CSGALNACT1: variants seen among roughly 807,000 people sequenced by gnomAD.
CSGALNACT1 encodes chondroitin sulfate N-acetylgalactosaminyltransferase 1, also known as beta4GalNAcT-1.
In CSGALNACT1, 52 loss-of-function variants were observed where a neutral mutation model predicts 51.0. The observed-to-expected ratio is 1.02, with a 90% confidence interval of 0.82 to 1.29. The LOEUF (loss-of-function observed/expected upper bound fraction) is 1.29. Ranked by LOEUF, CSGALNACT1 falls within the 50% of genes most tolerant of loss-of-function variation. The pLI is 0.00. For missense variants in CSGALNACT1, 935 were observed against 679.2 expected, an observed-to-expected ratio of 1.38 and a Z score of -4.19; for synonymous variants, 341 against 254.4, an observed-to-expected ratio of 1.34 and a Z score of -3.24.
intron 1 of CSGALNACT1, among the ~76,000 whole-genome samples, chr8:19,720,490 A>G (rs753481364): frequency 4.6e-5 from 7 of 152,158 alleles, no homozygotes; most frequent in Non-Finnish European, 1.0e-4. Flanking sequence ...AAAATATCAC[A>G]TTTATCCTAC....
intron 3 of CSGALNACT1, among the ~76,000 whole-genome samples, chr8:19,513,697 G>A (rs1290385651): frequency 2.0e-5 from 3 of 151,838 alleles, no homozygotes; most frequent in African/African-American, 4.8e-5. Context: ...TAGACCTACC[G>A]CACACCTGGG....
intron 5 of CSGALNACT1, chr8:19,457,735 T>C (rs1400550057): frequency 4.5e-6 from 6 of 1,347,480 alleles, no homozygotes; most frequent in Middle Eastern, 2.1e-4. Context: ...AATATGTGCA[T>C]CTGAGCCATC....
chr8:19,491,355 G>C (rs2074320092), intron 4 of CSGALNACT1, among the ~76,000 whole-genome samples: 1 of 152,094 alleles, frequency 6.6e-6, no homozygotes, highest in Middle Eastern at 3.4e-3. Flanking sequence ...AAATATTCAT[G>C]GACATTTCTG....
At chr8:19,442,561 G>C (rs1376863065) in intron 5 of CSGALNACT1, among the ~76,000 whole-genome samples, 1 of 146,626 alleles carries the variant, frequency 6.8e-6, no homozygotes, top group East Asian at 2.0e-4. Flanking sequence ...CACACTCTGG[G>C]GACTGTTGTG....
At chr8:19,498,096 C>G (rs984063407) in intron 4 of CSGALNACT1, among the ~76,000 whole-genome samples, 1 of 152,136 alleles carries the variant, frequency 6.6e-6, no homozygotes, top group Non-Finnish European at 1.5e-5. Context: ...TCAACGGGCA[C>G]GTATCCACGA....
At chr8:19,630,059 G>A (rs896329851) in intron 1 of CSGALNACT1, among the ~76,000 whole-genome samples, 1 of 152,086 alleles carries the variant, frequency 6.6e-6, no homozygotes, top group Non-Finnish European at 1.5e-5. Context: ...AGAGCAACGT[G>A]GAAAAACTGG....
chr8:19,733,353 ATT>A (rs532742629), intron 1 of CSGALNACT1, among the ~76,000 whole-genome samples: 119 of 152,306 alleles, frequency 7.8e-4, no homozygotes, highest in Middle Eastern at 3.4e-3. Context: ...CACTCCACCA[ATT>A]ATTAATGTGG....
chr8:19,453,698 G>C (rs1341975798), intron 5 of CSGALNACT1, among the ~76,000 whole-genome samples: 1 of 152,148 alleles, frequency 6.6e-6, no homozygotes, highest in Admixed American at 6.5e-5. Flanking sequence ...GATCCCCTGA[G>C]GTCAGGAGTT....
At chr8:19,540,103 C>G (rs2084745791) in intron 3 of CSGALNACT1, among the ~76,000 whole-genome samples, 1 of 152,158 alleles carries the variant, frequency 6.6e-6, no homozygotes, top group Non-Finnish European at 1.5e-5. Context: ...CCAGTTGTCC[C>G]TAATCCTGAA....
At chr8:19,675,210 G>T (rs2060088448) in intron 1 of CSGALNACT1, among the ~76,000 whole-genome samples, 1 of 152,130 alleles carries the variant, frequency 6.6e-6, no homozygotes. Context: ...AATATAAACA[G>T]CAACTACCTG....
intron 4 of CSGALNACT1, among the ~76,000 whole-genome samples, chr8:19,497,211 G>T (rs1426106453): frequency 6.6e-6 from 1 of 152,140 alleles, no homozygotes; most frequent in Admixed American, 6.5e-5. Context: ...AGTTAAGCTG[G>T]TAAGCTGTGA....
intron 1 of CSGALNACT1, among the ~76,000 whole-genome samples, chr8:19,699,226 T>C (rs1481698939): frequency 1.3e-5 from 2 of 152,164 alleles, no homozygotes; most frequent in Non-Finnish European, 2.9e-5. Context: ...TTGTTTTATT[T>C]TTTCAAATAT....
chr8:19,444,002 G>A (rs2061728883), intron 5 of CSGALNACT1, among the ~76,000 whole-genome samples: 2 of 152,124 alleles, frequency 1.3e-5, no homozygotes, highest in Admixed American at 1.3e-4. Context: ...TTCACAATAA[G>A]GTTCACCCTC....
At chr8:19,695,960 T>G (rs941218920) in intron 1 of CSGALNACT1, among the ~76,000 whole-genome samples, 3 of 152,262 alleles carry the variant, frequency 2.0e-5, no homozygotes, top group Admixed American at 1.3e-4. Context: ...GGTTTATTTA[T>G]AGTTCTTTCT....
intron 3 of CSGALNACT1, among the ~76,000 whole-genome samples, chr8:19,567,438 T>C (rs1163120560): frequency 1.3e-5 from 2 of 152,214 alleles, no homozygotes; most frequent in Non-Finnish European, 2.9e-5. Context: ...AGACAAAGTG[T>C]ATGATAAAAC....
chr8:19,482,787 T>G (rs2071793881), intron 4 of CSGALNACT1, among the ~76,000 whole-genome samples: 1 of 152,182 alleles, frequency 6.6e-6, no homozygotes, highest in Admixed American at 6.5e-5. Flanking sequence ...TCCTAACCCC[T>G]TAGCTCCAAA....
chr8:19,613,121 T>C (rs1458061478), intron 1 of CSGALNACT1, among the ~76,000 whole-genome samples: 6 of 152,158 alleles, frequency 3.9e-5, no homozygotes, highest in African/African-American at 1.2e-4. Context: ...TCACAATACA[T>C]TGGTGAGACA....
At chr8:19,717,747 T>C (rs938625283) in intron 1 of CSGALNACT1, among the ~76,000 whole-genome samples, 5 of 152,222 alleles carry the variant, frequency 3.3e-5, no homozygotes, top group African/African-American at 1.2e-4. Flanking sequence ...AGCTTTTTTC[T>C]GTAGGTTATG....
chr8:19,438,737 A>G (rs1262357621), intron 6 of CSGALNACT1, among the ~76,000 whole-genome samples: 1 of 152,242 alleles, frequency 6.6e-6, no homozygotes, highest in Non-Finnish European at 1.5e-5. Flanking sequence ...CTTTATTTAC[A>G]AAGACAGGTG....
Sources: gnomAD v4.1 joint callset for allele counts (sites outside exome capture counted in the v4.1 genomes callset) on GRCh38, gnomAD v4.1.1 for gene constraint, MANE v1.5 for transcripts, NCBI Gene and HGNC (gene_info 2026-07-23, HGNC 2026-07-21) for gene names.